The following SLC9A9 variants were observed in gnomAD, a reference collection of about 807,000 sequenced individuals.
SLC9A9 encodes sodium/hydrogen exchanger 9.
Under a neutral mutation model 77.8 loss-of-function variants are expected in SLC9A9, and 62 were observed. The observed-to-expected ratio is 0.80, with a 90% CI of 0.65 to 0.98. The LOEUF is 0.98. SLC9A9 is among the 50% of genes least tolerant of loss of function. The pLI, the probability that SLC9A9 is intolerant of heterozygous loss-of-function variation, is 0.00. For synonymous variants in SLC9A9, 320 were observed against 283.5 expected, an observed-to-expected ratio of 1.13 and a Z score of -1.29; for missense variants, 775 against 774.9, an observed-to-expected ratio of 1.00 and a Z score of 0.00.
chr3:143,504,217 A>G (rs1019096909), intron 9 of SLC9A9: 12 of 290,068 alleles, frequency 4.1e-5, no homozygotes, highest in Non-Finnish European at 8.1e-5. Flanking sequence ...AAGCAGCACT[A>G]GTGACCAGGT....
intron 5 of SLC9A9, among the ~76,000 whole-genome samples, chr3:143,667,570 G>C (rs1211258828): frequency 6.6e-6 from 1 of 152,134 alleles, no homozygotes; most frequent in Non-Finnish European, 1.5e-5. Flanking sequence ...GAAAATTTTT[G>C]CAATCTACCC....
intron 13 of SLC9A9, among the ~76,000 whole-genome samples, chr3:143,373,420 G>A (rs1354471587): frequency 6.6e-6 from 1 of 152,024 alleles, no homozygotes; most frequent in Admixed American, 6.5e-5. Context: ...AAGGCATACA[G>A]AGTGACATAA....
chr3:143,665,925 C>T (rs2039057988), intron 5 of SLC9A9, among the ~76,000 whole-genome samples: 1 of 152,200 alleles, frequency 6.6e-6, no homozygotes, highest in Non-Finnish European at 1.5e-5. Context: ...GGCACCATTC[C>T]TTCTGAAACT....
chr3:143,727,435 T>C (rs1934683330), intron 4 of SLC9A9, among the ~76,000 whole-genome samples: 1 of 152,160 alleles, frequency 6.6e-6, no homozygotes, highest in South Asian at 2.1e-4. Flanking sequence ...TGGTGCACTG[T>C]CCCCTTTGAA....
At chr3:143,708,669 A>T (rs921930958) in intron 4 of SLC9A9, among the ~76,000 whole-genome samples, 7 of 152,204 alleles carry the variant, frequency 4.6e-5, no homozygotes, top group African/African-American at 1.7e-4. Flanking sequence ...TTAAAACCTT[A>T]GAAGATGATT....
chr3:143,810,542 C>G lies in SLC9A9; in HGVS notation c.379-13639G>C, dbSNP rs16854360. Reference sequence around the variant, plus strand: ...GACAGGAGAATAAATTAATGGCTTACCCAGGGTCAATCAATAAGACAGGAC... The same window carrying G: ...GACAGGAGAATAAATTAATGGCTTAGCCAGGGTCAATCAATAAGACAGGAC... On this transcript the variant is annotated intron_variant, in intron 2 of 15. Transcript: ENST00000316549. Among the ~76,000 whole-genome samples the G allele has an allele frequency of 9.1e-3, 1,390 of 152,270 alleles. 20 individuals are homozygous for G. Among genetic ancestry groups the G allele is most frequent in the African/African-American group, 0.031 (1,305 of 41,546 alleles).
chr3:143,418,381 C>G (rs561297974), intron 12 of SLC9A9, among the ~76,000 whole-genome samples: 200 of 151,758 alleles, frequency 1.3e-3, no homozygotes, highest in Non-Finnish European at 2.7e-3. Flanking sequence ...TTTTGCTGCC[C>G]TTCTCCCTCA....
At chr3:143,702,319 G>T (rs1291254081) in intron 4 of SLC9A9, among the ~76,000 whole-genome samples, 2 of 152,038 alleles carry the variant, frequency 1.3e-5, no homozygotes, top group African/African-American at 4.8e-5. Flanking sequence ...TAATTAGAAA[G>T]GCTAAATGAT....
At chr3:143,517,511 C>T (rs762769141) in intron 9 of SLC9A9, 36 of 1,597,538 alleles carry the variant, frequency 2.3e-5, no homozygotes, top group Non-Finnish European at 2.9e-5. Flanking sequence ...TTCACGTTTT[C>T]GCTCATACTT....
intron 2 of SLC9A9, among the ~76,000 whole-genome samples, chr3:143,805,848 G>A (rs1462579676): frequency 2.0e-5 from 3 of 152,004 alleles, no homozygotes; most frequent in African/African-American, 4.8e-5. Flanking sequence ...GACTCAGCCC[G>A]CCTGCACTCA....
At chr3:143,763,620 AT>A (rs1456979052) in intron 4 of SLC9A9, among the ~76,000 whole-genome samples, 1 of 152,104 alleles carries the variant, frequency 6.6e-6, no homozygotes, top group Non-Finnish European at 1.5e-5. Flanking sequence ...TACATGCCAG[AT>A]TTTCTTTAAT....
chr3:143,798,471 C>G (rs932052923), intron 2 of SLC9A9, among the ~76,000 whole-genome samples: 1 of 152,146 alleles, frequency 6.6e-6, no homozygotes, highest in African/African-American at 2.4e-5. Flanking sequence ...CTCCATGTCT[C>G]TACCCTTCTC....
chr3:143,624,743 A>C (rs2038287865), intron 6 of SLC9A9, among the ~76,000 whole-genome samples: 1 of 152,230 alleles, frequency 6.6e-6, no homozygotes, highest in Admixed American at 6.5e-5. Context: ...CCTATTCAAC[A>C]GAGTGTTGGA....
chr3:143,502,546 C>CA (rs1178247489), intron 9 of SLC9A9, among the ~76,000 whole-genome samples: 3 of 152,038 alleles, frequency 2.0e-5, no homozygotes, highest in South Asian at 2.1e-4. Context: ...TCTATCCACA[C>CA]AAAAAAATGT....
chr3:143,679,990 T>C (rs1203275365), intron 5 of SLC9A9, among the ~76,000 whole-genome samples: 3 of 152,106 alleles, frequency 2.0e-5, no homozygotes, highest in East Asian at 1.9e-4. Context: ...GGAAACCTGA[T>C]TGAGGAACTC....
At chr3:143,723,619 T>C (rs764949491) in intron 4 of SLC9A9, among the ~76,000 whole-genome samples, 7 of 152,248 alleles carry the variant, frequency 4.6e-5, no homozygotes, top group Admixed American at 4.6e-4. Context: ...GCACTGATGT[T>C]ATACTGGACT....
chr3:143,840,972 C>T (rs899710373), intron 1 of SLC9A9, among the ~76,000 whole-genome samples: 1 of 151,996 alleles, frequency 6.6e-6, no homozygotes, highest in Non-Finnish European at 1.5e-5. Flanking sequence ...TCAATCTCTA[C>T]CTCTCTTCTG....
intron 14 of SLC9A9, among the ~76,000 whole-genome samples, chr3:143,278,938 T>TA (rs1420990466): frequency 6.6e-6 from 1 of 152,042 alleles, no homozygotes; most frequent in African/African-American, 2.4e-5. Context: ...CCTGAGCTCT[T>TA]TGACCACAAA....
intron 14 of SLC9A9, among the ~76,000 whole-genome samples, chr3:143,306,033 T>G (rs2030765249): frequency 6.6e-6 from 1 of 152,092 alleles, no homozygotes; most frequent in African/African-American, 2.4e-5. Flanking sequence ...TTGTATGACC[T>G]GAAAAATCAT....
Sources: allele counts gnomAD v4.1 joint callset (sites outside exome capture counted in the v4.1 genomes callset), GRCh38; gene constraint gnomAD v4.1.1; transcripts MANE v1.5; gene names NCBI Gene and HGNC (gene_info 2026-07-23, HGNC 2026-07-21).